RARB: variants seen among roughly 807,000 people sequenced by gnomAD.
RARB encodes retinoic acid receptor beta, also known as HBV-activated protein.
Under a neutral mutation model 51.9 loss-of-function variants are expected in RARB, and 17 were observed. That is an observed-to-expected ratio of 0.33 (90% CI 0.22 to 0.49). The LOEUF (loss-of-function observed/expected upper bound fraction) is 0.49, where lower values mean the gene tolerates loss of function less well. Among genes scored for constraint, RARB ranks in the 20% least tolerant of loss-of-function variants. The probability of loss-of-function intolerance (pLI) is 0.99; values close to 1 mark genes in which losing one functional copy is unlikely to be tolerated. For missense variants in RARB, 369 were observed against 550.8 expected (o/e 0.67, Z 3.30); for synonymous variants, 215 against 195.4 (o/e 1.10, Z -0.84).
chr3:25,587,449 A>G (rs1701436859), intron 5 of RARB, among the ~76,000 whole-genome samples: 1 of 152,276 alleles, frequency 6.6e-6, no homozygotes, highest in African/African-American at 2.4e-5. Context: ...TATTGATTAC[A>G]TGTTGAAACA....
chr3:25,474,038 G>A (rs1374676987), intron 2 of RARB, among the ~76,000 whole-genome samples: 2 of 152,008 alleles, frequency 1.3e-5, no homozygotes, highest in African/African-American at 4.8e-5. Context: ...GTAGGTCAGC[G>A]ATGGGGAGAA....
intron 5 of RARB, among the ~76,000 whole-genome samples, chr3:25,339,845 G>T (rs377451836): frequency 6.6e-6 from 1 of 151,990 alleles, no homozygotes; most frequent in African/African-American, 2.4e-5. Context: ...CATTTTCTGG[G>T]AAAAGATCAT....
intron 2 of RARB, among the ~76,000 whole-genome samples, chr3:24,888,755 C>T (rs138343472): frequency 6.6e-6 from 1 of 152,192 alleles, no homozygotes; most frequent in Non-Finnish European, 1.5e-5. Flanking sequence ...TATGGACACA[C>T]AGGAAAGGAT....
At chr3:25,351,540 T>C (rs1207879844) in intron 5 of RARB, among the ~76,000 whole-genome samples, 1 of 152,062 alleles carries the variant, frequency 6.6e-6, no homozygotes, top group Non-Finnish European at 1.5e-5. Context: ...ATTTATGGAG[T>C]CTTTATCTGA....
chr3:25,321,959 G>A (rs538911685), intron 5 of RARB, among the ~76,000 whole-genome samples: 2 of 151,814 alleles, frequency 1.3e-5, no homozygotes, highest in South Asian at 4.1e-4. Context: ...TGATTCTGAA[G>A]TTCATCTGAA....
intron 2 of RARB, among the ~76,000 whole-genome samples, chr3:25,006,354 G>T (rs1697271871): frequency 6.6e-6 from 1 of 152,128 alleles, no homozygotes; most frequent in Non-Finnish European, 1.5e-5. Context: ...ATTGCAATAT[G>T]ATTCATCTTA....
intron 1 of RARB, among the ~76,000 whole-genome samples, chr3:24,855,025 T>A (rs9310761): frequency 1.0e-3 from 153 of 152,322 alleles, no homozygotes; most frequent in African/African-American, 3.5e-3. Context: ...AACCTTTAGA[T>A]GTGTACATAT....
At chr3:25,255,359 A>C (rs941378807) in intron 5 of RARB, among the ~76,000 whole-genome samples, 2 of 152,162 alleles carry the variant, frequency 1.3e-5, no homozygotes, top group African/African-American at 4.8e-5. Flanking sequence ...AATTTCCCTC[A>C]TACCTTGAAC....
At chr3:25,439,852 G>A (rs2125526712) in intron 1 of RARB, among the ~76,000 whole-genome samples, 1 of 152,342 alleles carries the variant, frequency 6.6e-6, no homozygotes, top group South Asian at 2.1e-4. Context: ...TAGAAGTCGT[G>A]TAGTGGGTTC....
intron 5 of RARB, among the ~76,000 whole-genome samples, chr3:25,413,134 C>G (rs1239344059): frequency 1.3e-5 from 2 of 152,080 alleles, no homozygotes; most frequent in Non-Finnish European, 2.9e-5. Context: ...TCACTTCTAA[C>G]AACATAGATT....
chr3:25,481,365 A>G (rs1696214667), intron 2 of RARB, among the ~76,000 whole-genome samples: 1 of 152,240 alleles, frequency 6.6e-6, no homozygotes, highest in South Asian at 2.1e-4. Context: ...AATGCCAGGA[A>G]GAAATAATGG....
intron 5 of RARB, among the ~76,000 whole-genome samples, chr3:25,350,359 C>T (rs1043757021): frequency 6.6e-6 from 1 of 152,120 alleles, no homozygotes; most frequent in African/African-American, 2.4e-5. Flanking sequence ...TAAACAGAGG[C>T]AGGTTGTTAA....
At chr3:25,352,438 A>AT (rs1403480748) in intron 5 of RARB, 2 of 152,168 alleles carry the variant, frequency 1.3e-5, no homozygotes, top group Non-Finnish European at 2.9e-5. Context: ...GAGGCCTCTG[A>AT]TAATGGGAGT....
intron 2 of RARB, among the ~76,000 whole-genome samples, chr3:25,055,354 G>A (rs889370896): frequency 6.6e-6 from 1 of 152,098 alleles, no homozygotes; most frequent in Non-Finnish European, 1.5e-5. Context: ...TACCATGAAT[G>A]TATTTGATGA....
chr3:25,315,645 G>A (rs956465781), intron 5 of RARB, among the ~76,000 whole-genome samples: 1 of 152,092 alleles, frequency 6.6e-6, no homozygotes, highest in Admixed American at 6.6e-5. Flanking sequence ...ACAGAGTCTT[G>A]CTCTGTCGCC....
rs147977646 is a variant in RARB, at chr3:24,979,512, G to T, written c.-379-80613G>T. On this transcript the variant is annotated intron_variant, in intron 2 of 11. Transcript: ENST00000383772. ...TGTAATAGTCTTCTTTGTCTGTTTT[G>T]ATCTTTGTTGGTTTAAAATTTGTTT... 9.8e-4 allele frequency among the ~76,000 whole-genome samples: 149 copies of T among 151,796 alleles called. 5 individuals carry two copies. The East Asian group carries it at 0.022, about 23-fold the overall frequency.
At chr3:25,298,077 A>T (rs1703958773) in intron 5 of RARB, among the ~76,000 whole-genome samples, 1 of 152,188 alleles carries the variant, frequency 6.6e-6, no homozygotes, top group South Asian at 2.1e-4. Flanking sequence ...CTTTCTTCAA[A>T]GCAGAGGTTC....
intron 5 of RARB, among the ~76,000 whole-genome samples, chr3:25,299,283 AC>A (rs1344964760): frequency 6.6e-6 from 1 of 152,108 alleles, no homozygotes; most frequent in Non-Finnish European, 1.5e-5. Flanking sequence ...TGCAGCCTCG[AC>A]ATTTTCAGGC....
intron 5 of RARB, among the ~76,000 whole-genome samples, chr3:25,296,642 A>G (rs1343982766): frequency 1.3e-5 from 2 of 152,102 alleles, no homozygotes; most frequent in African/African-American, 4.8e-5. Flanking sequence ...GGATTACTGG[A>G]GGGGGAAAAA....
Sources: allele counts gnomAD v4.1 joint callset (sites outside exome capture counted in the v4.1 genomes callset), GRCh38; gene constraint gnomAD v4.1.1; transcripts MANE v1.5; gene names NCBI Gene and HGNC (gene_info 2026-07-23, HGNC 2026-07-21).